SLC4A4: variants seen among roughly 807,000 people sequenced by gnomAD.
SLC4A4 encodes electrogenic sodium bicarbonate cotransporter 1.
In SLC4A4, 27 loss-of-function variants were observed where a neutral mutation model predicts 111.5. The ratio of observed to expected loss-of-function variants is 0.24; its 90% CI spans 0.18 to 0.33. The LOEUF is 0.33. SLC4A4 is among the 10% of genes least tolerant of loss of function. The pLI, the probability that SLC4A4 is intolerant of heterozygous loss-of-function variation, is 1.00. For synonymous variants in SLC4A4, 443 were observed against 463.4 expected, an observed-to-expected ratio of 0.96 and a Z score of 0.57; for missense variants, 909 against 1,315.5, an observed-to-expected ratio of 0.69 and a Z score of 4.78.
rs1384951065 is a variant in SLC4A4 at position 71,497,565 on chromosome 4, A to G, written c.2039A>G (p.Asn680Ser). 6.2e-7 allele frequency: 1 copy of G among 1,613,578 alleles called. No individual in the cohort carries two copies. Among genetic ancestry groups the G allele is most frequent in the Admixed American group, 1.7e-5 (1 of 59,884 alleles). ...AAGGAGTGTTCAAAATACGGAGGAA[A>G]CCTCGTCGGGAACAACTGTAATTTT... ...SKKECSKYGG[N>S]LVGNNCNFVP... Residue 680 changes from asparagine (N) to serine (S), a missense_variant, in exon 16 of 26, where the codon AAC becomes AGC. Physicochemically the swap from Asn to Ser is conservative, Grantham distance 46. Coordinates refer to ENST00000264485, the MANE Select transcript of SLC4A4 (RefSeq NM_001098484.3).
chr4:71,494,195 T>C (rs1196915564), intron 15 of SLC4A4, among the ~76,000 whole-genome samples: 1 of 152,040 alleles, frequency 6.6e-6, no homozygotes, highest in Non-Finnish European at 1.5e-5. Flanking sequence ...ACAGTGAACA[T>C]TGAGGAAGCT....
At chr4:71,143,391 T>C (rs2148967552) in intron 2 of SLC4A4, among the ~76,000 whole-genome samples, 1 of 152,320 alleles carries the variant, frequency 6.6e-6, no homozygotes, top group South Asian at 2.1e-4. Context: ...CTATTGTGAA[T>C]AGTGCCGCAG....
At chr4:71,378,270 C>A (rs1732606571) in intron 6 of SLC4A4, among the ~76,000 whole-genome samples, 1 of 152,158 alleles carries the variant, frequency 6.6e-6, no homozygotes, top group African/African-American at 2.4e-5. Flanking sequence ...TAATGACTAC[C>A]ACCCAGTCAC....
At chr4:71,429,944 T>C (rs1460150458) in intron 7 of SLC4A4, among the ~76,000 whole-genome samples, 1 of 152,168 alleles carries the variant, frequency 6.6e-6, no homozygotes, top group East Asian at 1.9e-4. Context: ...TTACATTTTT[T>C]CTAGTACTTT....
chr4:71,302,042 T>C (rs950732660), intron 3 of SLC4A4, among the ~76,000 whole-genome samples: 3 of 152,204 alleles, frequency 2.0e-5, no homozygotes, highest in African/African-American at 4.8e-5. Flanking sequence ...AGGATGTTAT[T>C]TTATTTCAGT....
At chr4:71,254,150 A>G (rs1431095984) in intron 2 of SLC4A4, among the ~76,000 whole-genome samples, 2 of 152,184 alleles carry the variant, frequency 1.3e-5, no homozygotes, top group African/African-American at 4.8e-5. Flanking sequence ...CGGAAATGGG[A>G]AATAAAACCC....
At chr4:71,401,957 T>G (rs1720403113) in intron 7 of SLC4A4, among the ~76,000 whole-genome samples, 2 of 152,212 alleles carry the variant, frequency 1.3e-5, no homozygotes, top group South Asian at 4.1e-4. Context: ...TATTCATTAT[T>G]TAGCTGGCTA....
intron 2 of SLC4A4, among the ~76,000 whole-genome samples, chr4:71,127,210 G>T (rs1262980853): frequency 6.6e-6 from 1 of 152,160 alleles, no homozygotes; most frequent in African/African-American, 2.4e-5. Context: ...TCTCACCTTT[G>T]CAGCCTTTGT....
chr4:71,312,873 T>C (rs1726320900), intron 3 of SLC4A4, among the ~76,000 whole-genome samples: 2 of 152,310 alleles, frequency 1.3e-5, no homozygotes, highest in Middle Eastern at 3.4e-3. Context: ...AAGACAAGGA[T>C]GCCCTCTCTC....
rs796437664 is a variant in SLC4A4 at position 71,159,128 on chromosome 4, T to C, written c.-2+66336T>C. Among the ~76,000 whole-genome samples, 18 of 152,364 alleles carry C rather than the reference T, an allele frequency of 1.2e-4. No homozygotes were observed. The East Asian group carries it at 3.5e-3, about 29-fold the overall frequency. On this transcript the variant is annotated intron_variant, in intron 2 of 26. Coordinates refer to the SLC4A4 transcript ENST00000649996. ...GTGTATATGTGTATAGCTACATATCTATATCTAGATAATGAAAATGGTATC... is the reference window on the plus strand; with the variant it reads ...GTGTATATGTGTATAGCTACATATCCATATCTAGATAATGAAAATGGTATC...
At position 71,255,528 on chromosome 4, in the gene SLC4A4, A is replaced by G; in HGVS notation, c.253+129A>G. 1.5e-5 allele frequency: 15 copies of G among 1,005,416 alleles called. No individual in the cohort carries two copies. The Admixed American group carries it at 2.4e-4, about 16-fold the overall frequency. 62.3% of individuals were successfully genotyped at this position (1,005,416 alleles called of 1,614,324 possible). A position where few individuals can be genotyped will look rare whatever the true frequency, so the allele number is the denominator to read the frequency against. Reference sequence around the variant, plus strand: ...ACTGAGATGTTTAGAATCTGTTCTAAAGGATAATGTCTGTGGAGATGCTTT... The same window carrying G: ...ACTGAGATGTTTAGAATCTGTTCTAGAGGATAATGTCTGTGGAGATGCTTT... On this transcript the variant is annotated intron_variant, in intron 3 of 25. Transcript: ENST00000264485.
intron 2 of SLC4A4, among the ~76,000 whole-genome samples, chr4:71,127,187 G>A (rs889240400): frequency 5.9e-5 from 9 of 152,178 alleles, no homozygotes; most frequent in African/African-American, 1.9e-4. Context: ...GTAGTCAAAC[G>A]ATCTTACCTT....
Position 71,205,191 on chromosome 4 carries a change from G to A in SLC4A4, c.-2+17790G>A, listed in dbSNP as rs573151042. 1.4e-4 allele frequency among the ~76,000 whole-genome samples: 21 copies of A among 152,298 alleles called. No individual in the cohort carries two copies. The East Asian group carries it at 3.1e-3, about 22-fold the overall frequency. On this transcript the variant is annotated intron_variant, in intron 1 of 25. Coordinates refer to ENST00000264485, the MANE Select transcript of SLC4A4 (RefSeq NM_001098484.3). Reference sequence around the variant, plus strand: ...GGATGGAGTCACTGTGGCAGATGCAGAAGGCTCCCCATCCCTCAGCTTCTC... The same window carrying A: ...GGATGGAGTCACTGTGGCAGATGCAAAAGGCTCCCCATCCCTCAGCTTCTC...
At chr4:71,547,404 A>C (rs779651015) in intron 19 of SLC4A4, among the ~76,000 whole-genome samples, 6 of 152,024 alleles carry the variant, frequency 3.9e-5, no homozygotes, top group African/African-American at 1.2e-4. Flanking sequence ...GGAGCAAAAA[A>C]TTTAGCAGGA....
intron 2 of SLC4A4, among the ~76,000 whole-genome samples, chr4:71,116,984 T>C (rs1743286078): frequency 1.3e-5 from 2 of 152,000 alleles, no homozygotes; most frequent in Admixed American, 1.3e-4. Flanking sequence ...TTTATTTATT[T>C]ATTTATTTTT....
chr4:71,107,511 T>TA (rs1742969244), intron 2 of SLC4A4, among the ~76,000 whole-genome samples: 1 of 151,994 alleles, frequency 6.6e-6, no homozygotes, highest in African/African-American at 2.4e-5. Context: ...CATGCCCGGC[T>TA]AATTTTTTTG....
At chr4:71,370,773 T>C (rs2148932642) in intron 6 of SLC4A4, among the ~76,000 whole-genome samples, 1 of 152,346 alleles carries the variant, frequency 6.6e-6, no homozygotes, top group Admixed American at 6.5e-5. Context: ...ATTTATTCCA[T>C]GTCAGACATC....
At chr4:71,353,013 T>C (rs1002373908) in intron 5 of SLC4A4, among the ~76,000 whole-genome samples, 15 of 152,202 alleles carry the variant, frequency 9.9e-5, no homozygotes, top group Non-Finnish European at 4.4e-5. Flanking sequence ...GAGCTTCTGG[T>C]CTTCAGCAAC....
intron 6 of SLC4A4, among the ~76,000 whole-genome samples, chr4:71,382,114 G>C (rs2148952054): frequency 6.6e-6 from 1 of 151,994 alleles, no homozygotes; most frequent in South Asian, 2.1e-4. Context: ...TAGTGAAGAA[G>C]ATATTTTATT....
Sources: gnomAD v4.1 joint callset for allele counts (sites outside exome capture counted in the v4.1 genomes callset) on GRCh38, gnomAD v4.1.1 for gene constraint, MANE v1.5 for transcripts, NCBI Gene and HGNC (gene_info 2026-07-23, HGNC 2026-07-21) for gene names.